The following PPP4R4 variants were observed in gnomAD, a reference collection of about 807,000 sequenced individuals.
The protein encoded by PPP4R4 is protein phosphatase 4 regulatory subunit 4.
Under a neutral mutation model 121.8 loss-of-function variants are expected in PPP4R4, and 70 were observed. The observed-to-expected ratio is 0.57, with a 90% CI of 0.47 to 0.70. The LOEUF is 0.70. Among genes scored for constraint, PPP4R4 ranks in the 30% least tolerant of loss-of-function variants. The probability of loss-of-function intolerance (pLI) is 0.00; values close to 1 mark genes in which losing one functional copy is unlikely to be tolerated. For synonymous variants in PPP4R4, 348 were observed against 355.7 expected, an observed-to-expected ratio of 0.98 and a Z score of 0.24; for missense variants, 875 against 1,033.6, an observed-to-expected ratio of 0.85 and a Z score of 2.10.
chr14:94,191,030 CAA>C (rs1334864702), intron 2 of PPP4R4, among the ~76,000 whole-genome samples: 1 of 152,042 alleles, frequency 6.6e-6, no homozygotes, highest in African/African-American at 2.4e-5. Flanking sequence ...TAAAACATAT[CAA>C]AGTTAATATC....
At chr14:94,253,029 T>C (rs1248458334) in intron 16 of PPP4R4, among the ~76,000 whole-genome samples, 1 of 152,246 alleles carries the variant, frequency 6.6e-6, no homozygotes, top group Non-Finnish European at 1.5e-5. Flanking sequence ...GGAACAAATC[T>C]AGAAGTTTTT....
At chr14:94,194,341 G>C (rs2139411880) in intron 2 of PPP4R4, among the ~76,000 whole-genome samples, 1 of 152,264 alleles carries the variant, frequency 6.6e-6, no homozygotes, top group South Asian at 2.1e-4. Context: ...TAGAAAAGGA[G>C]CATGTCCCAA....
intron 3 of PPP4R4, among the ~76,000 whole-genome samples, chr14:94,211,913 T>C (rs1437176747): frequency 1.3e-5 from 2 of 152,216 alleles, no homozygotes; most frequent in Non-Finnish European, 2.9e-5. Context: ...TGGTTTTCAG[T>C]TATAGTTGAT....
At chr14:94,176,814 A>G (rs1191588594) in intron 2 of PPP4R4, among the ~76,000 whole-genome samples, 1 of 152,248 alleles carries the variant, frequency 6.6e-6, no homozygotes, top group African/African-American at 2.4e-5. Context: ...AATCCTTTAG[A>G]AACAAATTTC....
At chr14:94,214,936 C>T (rs777322786) in intron 3 of PPP4R4, among the ~76,000 whole-genome samples, 13 of 152,194 alleles carry the variant, frequency 8.5e-5, no homozygotes, top group Non-Finnish European at 1.3e-4. Context: ...TATAAAATTA[C>T]ATTCAGCCTA....
At chr14:94,229,999 A>G (rs1452842536) in intron 3 of PPP4R4, among the ~76,000 whole-genome samples, 4 of 152,190 alleles carry the variant, frequency 2.6e-5, no homozygotes, top group African/African-American at 4.8e-5. Context: ...TAAATGGTGA[A>G]TGGAGATGAC....
Position 94,261,894 on chromosome 14 carries a change from A to G in PPP4R4, c.2127+2525A>G, listed in dbSNP as rs569052678. Among the ~76,000 whole-genome samples, 5 of 152,036 alleles carry G rather than the reference A, an allele frequency of 3.3e-5. No individual in the cohort carries two copies. In the South Asian group the frequency reaches 1.0e-3, roughly 32 times the overall value. On this transcript the variant is annotated intron_variant, in intron 19 of 24. Coordinates refer to ENST00000304338, the MANE Select transcript of PPP4R4 (RefSeq NM_058237.2). Reference sequence around the variant, plus strand: ...ATGTTGTCTTTTGGAGATAAACCCTATTTGGCAATGGTTTATTGTCCTTTT... The same window carrying G: ...ATGTTGTCTTTTGGAGATAAACCCTGTTTGGCAATGGTTTATTGTCCTTTT...
chr14:94,256,481 G>T lies in PPP4R4; in HGVS notation c.1887G>T (p.Leu629Phe), dbSNP rs768602251. 6.3e-7 allele frequency: 1 copy of T among 1,598,290 alleles called. No homozygotes were observed. Among genetic ancestry groups the T allele is most frequent in the Non-Finnish European group, 8.6e-7 (1 of 1,168,354 alleles). ...ANVRMKLCYL[L>F]PKVKSTLKIP... is the part of the protein sequence containing the mutation. The stretch of plus-strand genomic sequence containing the variant: ...GTAGAATGAAACTTTGCTACCTGTT[G>T]CCCAAAGTGAAATCTACTCTGAAGA... Residue 629 changes from leucine (L) to phenylalanine (F), a missense_variant, in exon 17 of 25, where the codon TTG becomes TTT. Physicochemically the swap from Leu to Phe is conservative, Grantham distance 22. Coordinates refer to ENST00000304338, the MANE Select transcript of PPP4R4 (RefSeq NM_058237.2).
chr14:94,266,823 T>C, intron 22 of PPP4R4, 136 bp from the exon 23 acceptor site: 1 of 611,914 alleles, frequency 1.6e-6, no homozygotes. Flanking sequence ...ATAAAAAAAA[T>C]GAGAAATAAA....
intron 2 of PPP4R4, among the ~76,000 whole-genome samples, chr14:94,178,108 C>T (rs1888776042): frequency 6.6e-6 from 1 of 152,130 alleles, no homozygotes; most frequent in South Asian, 2.1e-4. Context: ...TCTTTCTTCC[C>T]TGGGATTCAG....
intron 2 of PPP4R4, among the ~76,000 whole-genome samples, chr14:94,186,070 G>A (rs895485976): frequency 2.6e-5 from 4 of 152,150 alleles, no homozygotes; most frequent in African/African-American, 9.7e-5. Flanking sequence ...AAGAATGTTT[G>A]TTGGGTCATA....
intron 3 of PPP4R4, among the ~76,000 whole-genome samples, chr14:94,228,538 T>C (rs1891845749): frequency 6.6e-6 from 1 of 152,192 alleles, no homozygotes; most frequent in Admixed American, 6.6e-5. Flanking sequence ...AGTATGGACA[T>C]GATAGAAAGA....
intron 5 of PPP4R4, among the ~76,000 whole-genome samples, chr14:94,233,063 A>AC (rs1383009648): frequency 6.6e-6 from 1 of 151,984 alleles, no homozygotes; most frequent in East Asian, 1.9e-4. Context: ...GTCTCAAAAA[A>AC]AAAAAAAGAG....
Position 94,174,362 on chromosome 14 carries a change from G to A in PPP4R4, c.-104G>A. On this transcript the variant is annotated 5_prime_UTR_variant, in exon 1 of 25. Coordinates refer to ENST00000304338, the MANE Select transcript of PPP4R4 (RefSeq NM_058237.2). The stretch of plus-strand genomic sequence containing the variant: ...TGGCAGCCTCACGCTCGGCTCCAGC[G>A]GCCAAGAGCCGGAGAAAGTCCTGCT... 9.5e-7 allele frequency: 1 copy of A among 1,053,090 alleles called. No homozygotes were observed. The highest frequency in any genetic ancestry group is 1.2e-6 in the Non-Finnish European group (1 of 816,436). The allele number at this position is 1,053,090 out of a possible 1,614,324, so 65.2% of individuals were successfully genotyped here.
chr14:94,255,879 T>TC (rs1442762281), intron 16 of PPP4R4, among the ~76,000 whole-genome samples: 2 of 152,210 alleles, frequency 1.3e-5, no homozygotes, highest in African/African-American at 4.8e-5. Flanking sequence ...ACAGTAGCCC[T>TC]CAAAGCCTCT....
chr14:94,199,691 T>TGAGCAGCCCGCGC (rs1890068055), intron 2 of PPP4R4, among the ~76,000 whole-genome samples: 1 of 151,946 alleles, frequency 6.6e-6, no homozygotes, highest in Admixed American at 6.6e-5. Flanking sequence ...GTCGGGCTGC[T>TGAGCAGCCCGCGC]TAGCAGCCCG....
intron 3 of PPP4R4, among the ~76,000 whole-genome samples, chr14:94,228,427 C>A (rs548688635): frequency 6.6e-6 from 1 of 152,084 alleles, no homozygotes; most frequent in African/African-American, 2.4e-5. Flanking sequence ...CCTGTGTTAT[C>A]CCCTATTGTG....
At chr14:94,202,080 A>G (rs1291598685) in intron 2 of PPP4R4, among the ~76,000 whole-genome samples, 1 of 152,126 alleles carries the variant, frequency 6.6e-6, no homozygotes, top group Non-Finnish European at 1.5e-5. Context: ...GTATGTTCTC[A>G]CTTATAAGCA....
At chr14:94,267,155 A>G in intron 23 of PPP4R4, 126 bp downstream of exon 23, 1 of 590,572 alleles carries the variant, frequency 1.7e-6, no homozygotes, top group South Asian at 2.9e-5. Context: ...TCAGGTCCCT[A>G]AGAAATTAAA....
Sources: allele counts gnomAD v4.1 joint callset (sites outside exome capture counted in the v4.1 genomes callset), GRCh38; gene constraint gnomAD v4.1.1; transcripts MANE v1.5; gene names NCBI Gene and HGNC (gene_info 2026-07-23, HGNC 2026-07-21).